NCOR2: variants seen among roughly 807,000 people sequenced by gnomAD.
The protein encoded by NCOR2 is CTG repeat protein 26.
In NCOR2, 81 loss-of-function variants were observed where a neutral mutation model predicts 262.9. That is an observed-to-expected ratio of 0.31 (90% CI 0.26 to 0.37). NCOR2 has a LOEUF of 0.37. NCOR2 is among the 10% of genes least tolerant of loss of function. The pLI is 1.00. For missense variants in NCOR2, 3,385 were observed against 3,621.4 expected (o/e 0.93, Z 1.68); for synonymous variants, 1,659 against 1,559.3 (o/e 1.06, Z -1.51).
chr12:124,456,826 G>C (rs1048436214), intron 6 of NCOR2, among the ~76,000 whole-genome samples: 1 of 152,206 alleles, frequency 6.6e-6, no homozygotes. Flanking sequence ...CTCACAGCCC[G>C]AGCGGCCGGG....
intron 20 of NCOR2, among the ~76,000 whole-genome samples, chr12:124,368,447 T>C (rs1203294838): frequency 3.3e-5 from 5 of 152,106 alleles, no homozygotes; most frequent in Non-Finnish European, 7.4e-5. Context: ...AGGGCTGGTT[T>C]GTGAACAGGC....
chr12:124,433,822 T>TCCCTCCCTC (rs1375878210), intron 8 of NCOR2, among the ~76,000 whole-genome samples: 1 of 129,430 alleles, frequency 7.7e-6, no homozygotes, highest in African/African-American at 2.9e-5. Flanking sequence ...CTTCCTCCCT[T>TCCCTCCCTC]CCCTCCCTCC....
Position 124,486,421 on chromosome 12 carries a change from G to C in NCOR2, c.233+20C>G, listed in dbSNP as rs1166432160. ...GGAGCTCTCACGCCCTGGACAGGGA[G>C]GCAGCAACTCTCTCCTCACCGTTCA... On this transcript the variant is annotated intron_variant, in intron 2 of 46. Coordinates refer to ENST00000405201, the Ensembl canonical transcript of NCOR2. 6.2e-7 allele frequency: 1 copy of C among 1,611,912 alleles called. No individual in the cohort carries two copies. Among genetic ancestry groups the C allele is most frequent in the East Asian group, 2.2e-5 (1 of 44,782 alleles).
At chr12:124,490,828 C>G (rs2048045499) in intron 1 of NCOR2, among the ~76,000 whole-genome samples, 1 of 152,246 alleles carries the variant, frequency 6.6e-6, no homozygotes, top group South Asian at 2.1e-4. Flanking sequence ...GCATGCAGAC[C>G]TCTGGGGTTG....
At chr12:124,351,946 C>T (rs931430429) in intron 27 of NCOR2, among the ~76,000 whole-genome samples, 45 of 152,146 alleles carry the variant, frequency 3.0e-4, no homozygotes, top group Admixed American at 2.7e-3. Context: ...GGGGACATCC[C>T]CTGGCAGAGG....
At chr12:124,434,030 A>C (rs2044189086) in intron 8 of NCOR2, among the ~76,000 whole-genome samples, 1 of 151,670 alleles carries the variant, frequency 6.6e-6, no homozygotes, top group Non-Finnish European at 1.5e-5. Context: ...CTCTGGGACC[A>C]CAGGCTGAGC....
chr12:124,436,428 G>T (rs562533631), intron 8 of NCOR2, among the ~76,000 whole-genome samples: 1 of 152,202 alleles, frequency 6.6e-6, no homozygotes, highest in African/African-American at 2.4e-5. Flanking sequence ...AGCCCTTGCC[G>T]CGTCTCTTAT....
intron 16 of NCOR2, 34 bp downstream of exon 18, chr12:124,398,085 C>A: frequency 6.2e-7 from 1 of 1,613,672 alleles, no homozygotes; most frequent in East Asian, 2.2e-5. Context: ...TGGATGCAAA[C>A]CAACAAGGCT....
intron 10 of NCOR2, among the ~76,000 whole-genome samples, chr12:124,428,450 A>G (rs1308106173): frequency 3.3e-5 from 5 of 152,240 alleles, no homozygotes; most frequent in Non-Finnish European, 4.4e-5. Flanking sequence ...GTGGCTGGGT[A>G]AAAATGCGGA....
intron 15 of NCOR2, among the ~76,000 whole-genome samples, chr12:124,400,173 T>A (rs571484442): frequency 6.6e-6 from 1 of 152,266 alleles, no homozygotes; most frequent in South Asian, 2.1e-4. Context: ...ATCACTGTGG[T>A]TGAAGCCACT....
chr12:124,361,058 G>A (rs1198427992), intron 22 of NCOR2, among the ~76,000 whole-genome samples: 1 of 149,848 alleles, frequency 6.7e-6, no homozygotes, highest in Non-Finnish European at 1.5e-5. Flanking sequence ...GGAGGCAGAG[G>A]TTGCAGTGAG....
chr12:124,337,202 T>C, intron 37 of NCOR2, 22 bp from the exon 40 acceptor site: 2 of 1,546,522 alleles, frequency 1.3e-6, no homozygotes, highest in Non-Finnish European at 1.7e-6. Context: ...GAGAAGGCGG[T>C]CAGGCAGTCA....
At position 124,466,293 on chromosome 12, in the gene NCOR2, G is replaced by GGAGAGGCAGAACGT. The variant is rs1565968271; in HGVS notation, c.592-21_592-8dup. The GGAGAGGCAGAACGT allele has an allele frequency of 6.2e-7, 1 of 1,603,900 alleles. No individual in the cohort carries two copies. The highest frequency in any genetic ancestry group is 1.7e-5 in the Admixed American group (1 of 59,822). ...CCTCCTCCTCCAGCTGTTGCTGTGG[G>GGAGAGGCAGAACGT]GAGAGGCAGAACGTGAGGGATGAGC... On this transcript the variant is annotated splice_region_variant and splice_polypyrimidine_tract_variant and intron_variant, in intron 4 of 46. Transcript: ENST00000405201.
At chr12:124,395,315 A>G (rs1427756178) in intron 16 of NCOR2, among the ~76,000 whole-genome samples, 1 of 151,034 alleles carries the variant, frequency 6.6e-6, no homozygotes, top group Non-Finnish European at 1.5e-5. Flanking sequence ...GCCTGCCAGC[A>G]CCTGTCTCCC....
upstream of NCOR2, among the ~76,000 whole-genome samples, chr12:124,497,457 G>A (rs955339021): frequency 5.3e-5 from 8 of 151,852 alleles, no homozygotes; most frequent in East Asian, 1.9e-4. This position sits in a 1 kb window ranked among gnomAD's most constrained non-coding sequence, Gnocchi z 4.2. Flanking sequence ...CCACCCCCGC[G>A]TAGGGACTTT....
intron 22 of NCOR2, among the ~76,000 whole-genome samples, chr12:124,361,257 G>C (rs2038571988): frequency 6.6e-6 from 1 of 152,178 alleles, no homozygotes; most frequent in African/African-American, 2.4e-5. Flanking sequence ...GTGTCCTGCT[G>C]CCCTCAGACC....
intron 7 of NCOR2, among the ~76,000 whole-genome samples, chr12:124,447,560 T>C (rs1362584828): frequency 6.6e-6 from 1 of 152,218 alleles, no homozygotes; most frequent in Non-Finnish European, 1.5e-5. Flanking sequence ...ATTGTCAGTA[T>C]AATAATATGG....
At chr12:124,459,665 T>G (rs1328741540) in intron 5 of NCOR2, among the ~76,000 whole-genome samples, 1 of 152,192 alleles carries the variant, frequency 6.6e-6, no homozygotes, top group Non-Finnish European at 1.5e-5. Context: ...CAAAGTGAAG[T>G]GCATGTCATC....
chr12:124,343,023 C>T (rs746232771), exon 33 of NCOR2: 17 of 1,611,118 alleles, frequency 1.1e-5, no homozygotes, highest in East Asian at 2.2e-5. Flanking sequence ...AGAGGGATGC[C>T]GCGGGGTATG....
Sources: gnomAD v4.1 joint callset for allele counts (sites outside exome capture counted in the v4.1 genomes callset) on GRCh38, gnomAD v4.1.1 for gene constraint, Gnocchi (gnomAD v3.1) non-coding constraint, MANE v1.5 for transcripts, NCBI Gene and HGNC (gene_info 2026-07-23, HGNC 2026-07-21) for gene names.